Variants in ARL15 observed in about 807,000 individuals in gnomAD.
ARL15 encodes ADP-ribosylation factor-like protein 15.
In ARL15, 19 loss-of-function variants were observed where a neutral mutation model predicts 25.2. That is an observed-to-expected ratio of 0.75 (90% CI 0.53 to 1.10). The LOEUF is 1.10. Among genes scored for constraint, ARL15 ranks in the 50% least tolerant of loss-of-function variants. ARL15 has a pLI of 0.00. For missense variants in ARL15, 220 were observed against 246.0 expected (o/e 0.89, Z 0.71); for synonymous variants, 94 against 86.8 (o/e 1.08, Z -0.46).
chr5:54,198,701 C>G (rs1030222644), intron 1 of ARL15, among the ~76,000 whole-genome samples: 8 of 151,252 alleles, frequency 5.3e-5, no homozygotes, highest in African/African-American at 1.9e-4. Flanking sequence ...GAATCAATAT[C>G]ATGAAAATAG....
intron 1 of ARL15, among the ~76,000 whole-genome samples, chr5:54,226,897 T>C (rs1343053096): frequency 6.6e-6 from 1 of 152,148 alleles, no homozygotes; most frequent in Admixed American, 6.5e-5. Context: ...GGGGTGGTTC[T>C]CCCATTCTGT....
Position 54,194,642 on chromosome 5 carries a change from C to A in ARL15, c.49-22714G>T, listed in dbSNP as rs1055240383. ...ATCTCACCCTAATAAAAATCTTAGA[C>A]CTGGCAAAAAAAGAAACATATAGCT... is the stretch of plus-strand genomic sequence containing the variant. On this transcript the variant is annotated intron_variant, in intron 1 of 4. Coordinates refer to ENST00000504924, the MANE Select transcript of ARL15 (RefSeq NM_019087.3). Among the ~76,000 whole-genome samples, 5 of 152,102 alleles carry A rather than the reference C, an allele frequency of 3.3e-5. No individual in the cohort carries two copies. The South Asian group carries it at 1.0e-3, about 32-fold the overall frequency.
At chr5:53,939,228 A>G (rs991710087) in intron 4 of ARL15, among the ~76,000 whole-genome samples, 1 of 152,118 alleles carries the variant, frequency 6.6e-6, no homozygotes, top group Non-Finnish European at 1.5e-5. Flanking sequence ...CTTTCCTTTC[A>G]CTCGGGAACG....
chr5:54,171,279 C>T (rs192241624), intron 2 of ARL15, among the ~76,000 whole-genome samples: 11 of 152,302 alleles, frequency 7.2e-5, no homozygotes, highest in Admixed American at 6.5e-4. Flanking sequence ...TTGAGAACCA[C>T]TGCCCTAGAC....
At chr5:54,179,412 C>G (rs568120082) in intron 1 of ARL15, among the ~76,000 whole-genome samples, 1 of 151,994 alleles carries the variant, frequency 6.6e-6, no homozygotes, top group South Asian at 2.1e-4. Flanking sequence ...AGAAAAACAC[C>G]GGGCAAAGGA....
intron 1 of ARL15, among the ~76,000 whole-genome samples, chr5:54,234,513 C>T (rs1375346042): frequency 1.3e-5 from 2 of 152,088 alleles, no homozygotes; most frequent in African/African-American, 4.8e-5. Context: ...CCCACCCCAC[C>T]GTGCTCCCTT....
chr5:54,056,449 G>A (rs961185627), intron 4 of ARL15, among the ~76,000 whole-genome samples: 8 of 151,714 alleles, frequency 5.3e-5, no homozygotes, highest in Admixed American at 3.9e-4. Context: ...TGGCCAACAC[G>A]GTGAAACCTT....
chr5:54,209,122 T>C (rs897899013), intron 1 of ARL15, among the ~76,000 whole-genome samples: 2 of 152,082 alleles, frequency 1.3e-5, no homozygotes, highest in African/African-American at 4.8e-5. Context: ...TGTAAACACA[T>C]GGATTTACCC....
intron 4 of ARL15, among the ~76,000 whole-genome samples, chr5:53,997,959 C>T (rs1177579146): frequency 6.6e-6 from 1 of 151,834 alleles, no homozygotes; most frequent in Non-Finnish European, 1.5e-5. Context: ...ATCATAATCC[C>T]TCACCTTAAA....
intron 4 of ARL15, among the ~76,000 whole-genome samples, chr5:54,108,133 A>G (rs1342792322): frequency 6.6e-6 from 1 of 152,182 alleles, no homozygotes; most frequent in African/African-American, 2.4e-5. Flanking sequence ...TGACATTCTT[A>G]TACCTAATGA....
chr5:54,252,717 C>G (rs559277596), intron 1 of ARL15, among the ~76,000 whole-genome samples: 1 of 152,182 alleles, frequency 6.6e-6, no homozygotes, highest in East Asian at 1.9e-4. Flanking sequence ...CAAGAGAGAA[C>G]AAGTTTGTTT....
intron 2 of ARL15, among the ~76,000 whole-genome samples, chr5:54,155,702 A>ACACACG (rs1383185310): frequency 6.6e-6 from 1 of 151,546 alleles, no homozygotes; most frequent in African/African-American, 2.4e-5. Flanking sequence ...ACACACACAC[A>ACACACG]CGCACACACA....
chr5:54,172,027 G>T, intron 1 of ARL15, 99 bp from the exon 2 acceptor site: 1 of 1,381,390 alleles, frequency 7.2e-7, no homozygotes, highest in South Asian at 1.4e-5. Context: ...AGAGGTAATT[G>T]AATAAAGTAT....
At chr5:53,984,744 T>C (rs958958699) in intron 4 of ARL15, among the ~76,000 whole-genome samples, 4 of 152,234 alleles carry the variant, frequency 2.6e-5, no homozygotes, top group African/African-American at 9.6e-5. Flanking sequence ...TTTTCTTTGC[T>C]AAGGTTAGAT....
chr5:53,954,950 T>C (rs1275863606), intron 4 of ARL15, among the ~76,000 whole-genome samples: 1 of 152,090 alleles, frequency 6.6e-6, no homozygotes, highest in African/African-American at 2.4e-5. Context: ...TTCTGGAATC[T>C]GCCTAAGAAA....
chr5:53,989,832 AT>A (rs1420699719), intron 4 of ARL15, among the ~76,000 whole-genome samples: 3 of 152,194 alleles, frequency 2.0e-5, no homozygotes, highest in Non-Finnish European at 4.4e-5. Context: ...TGATATGCTT[AT>A]GCAAAAGGCA....
intron 3 of ARL15, among the ~76,000 whole-genome samples, chr5:54,152,922 G>A (rs1424925489): frequency 1.3e-5 from 2 of 152,156 alleles, no homozygotes; most frequent in African/African-American, 2.4e-5. Context: ...CCAACCTTAC[G>A]AATTCCTTGG....
chr5:54,131,216 G>T (rs1753420542), intron 3 of ARL15, among the ~76,000 whole-genome samples: 1 of 152,140 alleles, frequency 6.6e-6, no homozygotes, highest in African/African-American at 2.4e-5. Flanking sequence ...TTAGTCCAAA[G>T]AGCTTATTAG....
At chr5:54,161,957 T>C (rs1754411643) in intron 2 of ARL15, among the ~76,000 whole-genome samples, 2 of 150,552 alleles carry the variant, frequency 1.3e-5, no homozygotes, top group African/African-American at 2.5e-5. Context: ...TTCAGTACCC[T>C]CCTTCCACCC....
Sources: allele counts gnomAD v4.1 joint callset (sites outside exome capture counted in the v4.1 genomes callset), GRCh38; gene constraint gnomAD v4.1.1; transcripts MANE v1.5; gene names NCBI Gene and HGNC (gene_info 2026-07-23, HGNC 2026-07-21).